Variants in NEK6 observed in about 807,000 individuals in gnomAD.
The protein encoded by NEK6 is NIMA related kinase 6.
A neutral mutation model predicts 43.5 loss-of-function variants in NEK6; 27 were observed. The observed-to-expected ratio is 0.62, with a 90% CI of 0.46 to 0.86. NEK6 has a LOEUF of 0.86. Among genes scored for constraint, NEK6 ranks in the 40% least tolerant of loss-of-function variants. The pLI is 0.00. For missense variants in NEK6, 318 were observed against 414.4 expected, an observed-to-expected ratio of 0.77 and a Z score of 2.02; for synonymous variants, 167 against 164.1, an observed-to-expected ratio of 1.02 and a Z score of -0.14.
At chr9:124,269,530 C>T (rs994482468) in intron 1 of NEK6, among the ~76,000 whole-genome samples, 12 of 152,052 alleles carry the variant, frequency 7.9e-5, no homozygotes, top group South Asian at 2.1e-4. Context: ...CCCACCACCA[C>T]GCCCGGCTAA....
chr9:124,329,166 T>A (rs1445141951), intron 7 of NEK6, among the ~76,000 whole-genome samples: 1 of 152,226 alleles, frequency 6.6e-6, no homozygotes, highest in East Asian at 1.9e-4. Context: ...TCGTCTTTCC[T>A]TGTCCCCTCA....
At chr9:124,302,087 A>T in intron 2 of NEK6, 33 bp downstream of exon 2, 2 of 1,471,082 alleles carry the variant, frequency 1.4e-6, no homozygotes, top group Non-Finnish European at 1.9e-6. Flanking sequence ...CAGCACACTG[A>T]AGAGTTCCCA....
intron 9 of NEK6, among the ~76,000 whole-genome samples, chr9:124,348,949 G>A (rs1366971723): frequency 6.6e-6 from 1 of 152,266 alleles, no homozygotes; most frequent in Non-Finnish European, 1.5e-5. Flanking sequence ...GAGCCATCGT[G>A]CTTCTTGATG....
At chr9:124,313,402 G>C (rs1564639975) in intron 3 of NEK6, among the ~76,000 whole-genome samples, 1 of 151,852 alleles carries the variant, frequency 6.6e-6, no homozygotes, top group Non-Finnish European at 1.5e-5. Context: ...TAGAGTCTCA[G>C]TCTATCACCC....
rs1352823140 is a variant in NEK6, at chr9:124,315,716, C to T, written c.294+1731C>T. ...GTCCCTGGTCACACAGATGTGCCAC[C>T]GCAGCCCCTGCCTTGCAGGAGCCTG... On this transcript the variant is annotated intron_variant, in intron 4 of 9. Transcript: ENST00000320246. Among the ~76,000 whole-genome samples, 7 of 152,210 alleles carry T rather than the reference C, an allele frequency of 4.6e-5. No homozygotes were observed. In the South Asian group the frequency reaches 6.2e-4, roughly 13 times the overall value.
chr9:124,345,411 C>T (rs143351731), intron 8 of NEK6, among the ~76,000 whole-genome samples: 211 of 152,250 alleles, frequency 1.4e-3, no homozygotes, highest in African/African-American at 4.8e-3. Context: ...TGGGGAAGGC[C>T]GAGAGGGGTC....
intron 2 of NEK6, among the ~76,000 whole-genome samples, chr9:124,309,528 C>T (rs1198510717): frequency 6.6e-6 from 1 of 152,194 alleles, no homozygotes; most frequent in Non-Finnish European, 1.5e-5. Context: ...GGGAGCCCAC[C>T]CCCATCACCA....
At chr9:124,337,259 G>A (rs899990309) in intron 7 of NEK6, among the ~76,000 whole-genome samples, 1 of 152,222 alleles carries the variant, frequency 6.6e-6, no homozygotes, top group African/African-American at 2.4e-5. Context: ...GGGAGGTCAG[G>A]GCACAGCCCT....
At chr9:124,332,113 G>A (rs1283284150) in intron 7 of NEK6, among the ~76,000 whole-genome samples, 1 of 152,218 alleles carries the variant, frequency 6.6e-6, no homozygotes, top group African/African-American at 2.4e-5. Flanking sequence ...GGGCCTTAAG[G>A]GGCCAGCAAG....
chr9:124,349,670 T>G (rs1830146347), intron 9 of NEK6, among the ~76,000 whole-genome samples: 1 of 152,254 alleles, frequency 6.6e-6, no homozygotes, highest in Admixed American at 6.5e-5. Flanking sequence ...GTTTACTTCA[T>G]AAATTAGTTC....
At chr9:124,342,789 C>T (rs554680686) in intron 8 of NEK6, among the ~76,000 whole-genome samples, 1 of 152,322 alleles carries the variant, frequency 6.6e-6, no homozygotes, top group East Asian at 1.9e-4. Context: ...AAGCTGCTTC[C>T]TGTCTCCCAT....
chr9:124,273,996 A>C (rs548033771), intron 1 of NEK6, among the ~76,000 whole-genome samples: 1 of 152,096 alleles, frequency 6.6e-6, no homozygotes, highest in Non-Finnish European at 1.5e-5. Flanking sequence ...GGTACCATTC[A>C]TCTTGCTTCC....
chr9:124,299,406 A>G (rs1374972835), intron 1 of NEK6, among the ~76,000 whole-genome samples: 4 of 152,166 alleles, frequency 2.6e-5, no homozygotes, highest in Non-Finnish European at 5.9e-5. Context: ...TGCGCATTTT[A>G]CATTCTGCTC....
Position 124,326,449 on chromosome 9 carries a change from C to A in NEK6, c.514+11C>A, listed in dbSNP as rs927217233. On this transcript the variant is annotated intron_variant, in intron 6 of 9. Coordinates refer to ENST00000320246, the MANE Select transcript of NEK6 (RefSeq NM_014397.6). This position sits in a 1 kb window ranked among gnomAD's most constrained non-coding sequence, Gnocchi z 4.5. Reference sequence around the variant, plus strand: ...GGGTGATGCACCGAGGTACGTGCCACCCGCCAGGAGCCGCCCGGAGCCACC... The same window carrying A: ...GGGTGATGCACCGAGGTACGTGCCAACCGCCAGGAGCCGCCCGGAGCCACC... 2.5e-6 allele frequency: 4 copies of A among 1,600,666 alleles called. No individual in the cohort carries two copies. The South Asian group carries it at 4.4e-5, about 18-fold the overall frequency.
chr9:124,283,599 A>G (rs1832021900), intron 1 of NEK6, among the ~76,000 whole-genome samples: 1 of 152,180 alleles, frequency 6.6e-6, no homozygotes, highest in African/African-American at 2.4e-5. Flanking sequence ...ACCCCTTACC[A>G]GCCATGTGCA....
At chr9:124,287,804 GAC>G (rs1832229286) in intron 1 of NEK6, among the ~76,000 whole-genome samples, 1 of 152,080 alleles carries the variant, frequency 6.6e-6, no homozygotes, top group African/African-American at 2.4e-5. Context: ...CAGCCTAGGT[GAC>G]AGAGTGACAC....
At chr9:124,344,660 C>G (rs139705382) in intron 8 of NEK6, among the ~76,000 whole-genome samples, 1 of 152,244 alleles carries the variant, frequency 6.6e-6, no homozygotes, top group Non-Finnish European at 1.5e-5. Flanking sequence ...GCTGCCCGCT[C>G]TGCAGGACTG....
chr9:124,341,114 C>G (rs1829593192), intron 8 of NEK6, among the ~76,000 whole-genome samples: 1 of 152,152 alleles, frequency 6.6e-6, no homozygotes, highest in South Asian at 2.1e-4. Flanking sequence ...GCAATCTCGG[C>G]TCACTGCGGC....
intron 1 of NEK6, among the ~76,000 whole-genome samples, chr9:124,290,306 G>T (rs1832356776): frequency 6.6e-6 from 1 of 152,212 alleles, no homozygotes; most frequent in Non-Finnish European, 1.5e-5. Context: ...CTCCTCAAGG[G>T]GTGCCACACG....
Sources: gnomAD v4.1 joint callset for allele counts (sites outside exome capture counted in the v4.1 genomes callset) on GRCh38, gnomAD v4.1.1 for gene constraint, Gnocchi (gnomAD v3.1) non-coding constraint, MANE v1.5 for transcripts, NCBI Gene and HGNC (gene_info 2026-07-23, HGNC 2026-07-21) for gene names.